The following USP45 variants were observed in gnomAD, a reference collection of about 807,000 sequenced individuals.
The protein encoded by USP45 is ubiquitin specific peptidase 45.
A neutral mutation model predicts 95.8 loss-of-function variants in USP45; 89 were observed. The ratio of observed to expected loss-of-function variants is 0.93; its 90% CI spans 0.78 to 1.11. USP45 has a LOEUF of 1.11. Ranked by LOEUF, USP45 falls within the 50% of genes least tolerant of loss-of-function variation. USP45 has a pLI of 0.00. For missense variants in USP45, 898 were observed against 942.5 expected (o/e 0.95, Z 0.62); for synonymous variants, 281 against 316.2 (o/e 0.89, Z 1.18).
intron 5 of USP45, among the ~76,000 whole-genome samples, chr6:99,501,406 T>C (rs983131139): frequency 2.0e-5 from 3 of 152,246 alleles, no homozygotes; most frequent in African/African-American, 7.2e-5. Flanking sequence ...GTATCTGTCA[T>C]GACCAGCTCA....
At chr6:99,444,910 A>G (rs1364958374) in intron 14 of USP45, among the ~76,000 whole-genome samples, 1 of 152,154 alleles carries the variant, frequency 6.6e-6, no homozygotes, top group East Asian at 1.9e-4. Flanking sequence ...TTTTAGCCTC[A>G]CCGTACCTGA....
intron 1 of USP45, among the ~76,000 whole-genome samples, chr6:99,511,498 G>T (rs1054960370): frequency 1.3e-5 from 2 of 151,586 alleles, no homozygotes; most frequent in African/African-American, 4.9e-5. Context: ...GCCCAGGCTG[G>T]AGTGCAGTGG....
rs759188871 is a variant in USP45, at chr6:99,437,414, A to T, written c.2161-15T>A. 90 of 1,570,728 alleles carry T rather than the reference A, an allele frequency of 5.7e-5. No homozygotes were observed. The highest frequency in any genetic ancestry group is 7.3e-5 in the Non-Finnish European group (85 of 1,165,796). On this transcript the variant is annotated splice_polypyrimidine_tract_variant and intron_variant, in intron 16 of 17. Coordinates refer to ENST00000500704, the MANE Select transcript of USP45 (RefSeq NM_001346022.3). ...ACACTTGCATTCTTTTAAACAAAGA[A>T]AAAAACCCAAATTAGTAATATTTGT...
intron 7 of USP45, among the ~76,000 whole-genome samples, chr6:99,487,345 G>C (rs566094966): frequency 6.6e-6 from 1 of 152,256 alleles, no homozygotes; most frequent in South Asian, 2.1e-4. Context: ...TAGTCTCAGA[G>C]AAACCTACTA....
intron 5 of USP45, among the ~76,000 whole-genome samples, chr6:99,492,548 C>T (rs1470061271): frequency 6.6e-6 from 1 of 151,022 alleles, no homozygotes; most frequent in Non-Finnish European, 1.5e-5. Flanking sequence ...GGCTGGAGTG[C>T]AGTGGTGTGA....
chr6:99,436,739 C>T (rs914465061), intron 17 of USP45, among the ~76,000 whole-genome samples: 4 of 152,048 alleles, frequency 2.6e-5, no homozygotes, highest in Non-Finnish European at 5.9e-5. Context: ...TCTCATATGA[C>T]CTAGAAGGGT....
At chr6:99,466,590 A>G (rs892208684) in intron 11 of USP45, 82 bp downstream of exon 11, 6 of 1,194,866 alleles carry the variant, frequency 5.0e-6, no homozygotes, top group African/African-American at 1.6e-5. Context: ...ATGACTGCCA[A>G]TGATTATATG....
chr6:99,441,587 T>C (rs1781536455), intron 15 of USP45, among the ~76,000 whole-genome samples: 1 of 152,172 alleles, frequency 6.6e-6, no homozygotes, highest in South Asian at 2.1e-4. Flanking sequence ...AATTGCTTTC[T>C]AGCAGGTGTT....
chr6:99,454,666 A>G (rs1225148604), intron 13 of USP45, among the ~76,000 whole-genome samples: 1 of 152,216 alleles, frequency 6.6e-6, no homozygotes, highest in Non-Finnish European at 1.5e-5. Flanking sequence ...CCACAATGAA[A>G]TATCATTTTA....
At chr6:99,502,242 G>A (rs757235380) in intron 5 of USP45, among the ~76,000 whole-genome samples, 2 of 152,140 alleles carry the variant, frequency 1.3e-5, no homozygotes, top group Non-Finnish European at 2.9e-5. Context: ...CTCTGGAGTG[G>A]ACACAGAAGC....
chr6:99,444,238 C>G (rs1782060001), intron 14 of USP45, among the ~76,000 whole-genome samples: 1 of 152,164 alleles, frequency 6.6e-6, no homozygotes, highest in Non-Finnish European at 1.5e-5. Context: ...TGGTCTTGAA[C>G]TCCTGGCTAC....
chr6:99,458,523 G>T (rs546941043), intron 13 of USP45, among the ~76,000 whole-genome samples: 14 of 152,274 alleles, frequency 9.2e-5, no homozygotes, highest in African/African-American at 3.4e-4. Context: ...AGTATACGTG[G>T]TTAAGAACAT....
rs1236711455 is a variant in USP45, at chr6:99,488,272, AAG to A, written c.640_641del (p.Leu214TyrfsTer2). On this transcript the variant is annotated frameshift_variant, in exon 7 of 18. Transcript: ENST00000500704. LOFTEE classifies it high-confidence loss of function. ...CTTTGATCTCATTCATCAGATCAGTAAGAGTATAAGTCTGTGCCAAGTTCTAA... is the reference window on the plus strand; with the variant it reads ...CTTTGATCTCATTCATCAGATCAGTAAGTATAAGTCTGTGCCAAGTTCTAA... ...VMQNLAQTYT[L>X]TDLMNEIKES... 1 of 1,611,190 alleles carries A rather than the reference AAG, an allele frequency of 6.2e-7. No homozygotes were observed. Among genetic ancestry groups the A allele is most frequent in the Admixed American group, 1.7e-5 (1 of 59,784 alleles).
In USP45 at chr6:99,508,877, T is replaced by C. The variant is rs1449120374; in HGVS notation, c.101-95A>G. The C allele has an allele frequency of 2.1e-5, 22 of 1,072,722 alleles. No homozygotes were observed. In the African/African-American group the frequency reaches 2.7e-4, roughly 13 times the overall value. The allele number at this position is 1,072,722 out of a possible 1,614,324, so 66.5% of individuals were successfully genotyped here. A position where few individuals can be genotyped will look rare whatever the true frequency, so the allele number is the denominator to read the frequency against. On this transcript the variant is annotated intron_variant, in intron 2 of 17. Transcript: ENST00000500704. ...CTCAAAAGTATTAAATGCTGTTAAC[T>C]AAAAAGCACAGAGATTGAACACACA... is the stretch of plus-strand genomic sequence containing the variant.
At chr6:99,503,742 C>A in intron 5 of USP45, 23 bp downstream of exon 5, 1 of 1,446,938 alleles carries the variant, frequency 6.9e-7, no homozygotes, top group Non-Finnish European at 9.5e-7. Context: ...AACACAGATT[C>A]CTTTAGTCAT....
rs183771574 is a variant in USP45 at position 99,489,829 on chromosome 6, T to C, written c.479-1009A>G. On this transcript the variant is annotated intron_variant, in intron 5 of 17. Transcript: ENST00000500704. ...GGGCGTGGTGGTGCGTGCAAGCCTG[T>C]AGTCCCAACTACTCAGGAGGTTGAG... Among the ~76,000 whole-genome samples, 6 of 152,174 alleles carry C rather than the reference T, an allele frequency of 3.9e-5. No homozygotes were observed. The East Asian group carries it at 9.7e-4, about 25-fold the overall frequency.
intron 13 of USP45, chr6:99,462,009 T>G (rs1786562464): frequency 1.0e-6 from 1 of 985,068 alleles, no homozygotes; most frequent in African/African-American, 1.7e-5. Context: ...GAAATACATT[T>G]ATGTCATTTA....
chr6:99,474,669 C>T (rs1341453746), intron 9 of USP45, among the ~76,000 whole-genome samples: 1 of 152,184 alleles, frequency 6.6e-6, no homozygotes, highest in African/African-American at 2.4e-5. Context: ...TTATGACTGA[C>T]AAGGGCTGCC....
intron 8 of USP45, among the ~76,000 whole-genome samples, chr6:99,479,344 G>A (rs1419762928): frequency 6.6e-6 from 1 of 151,680 alleles, no homozygotes; most frequent in Non-Finnish European, 1.5e-5. Flanking sequence ...AGAGTAGCTG[G>A]GACTACAGGT....
Sources: gnomAD v4.1 joint callset for allele counts (sites outside exome capture counted in the v4.1 genomes callset) on GRCh38, gnomAD v4.1.1 for gene constraint, MANE v1.5 for transcripts, NCBI Gene and HGNC (gene_info 2026-07-23, HGNC 2026-07-21) for gene names.